RANBP9: variants seen among roughly 807,000 people sequenced by gnomAD.
RANBP9 encodes RAN binding protein 9, also known as ran-binding protein 9.
RANBP9 carries 15 observed loss-of-function variants against 84.3 expected under a neutral mutation model. The ratio of observed to expected loss-of-function variants is 0.18; its 90% CI spans 0.12 to 0.27. The LOEUF is 0.27. Ranked by LOEUF, RANBP9 falls within the 10% of genes least tolerant of loss-of-function variation. The pLI, the probability that RANBP9 is intolerant of heterozygous loss-of-function variation, is 1.00. For synonymous variants in RANBP9, 392 were observed against 349.6 expected (o/e 1.12, Z -1.35); for missense variants, 809 against 912.8 (o/e 0.89, Z 1.46).
chr6:13,664,261 G>T (rs1765597937), intron 2 of RANBP9, among the ~76,000 whole-genome samples: 1 of 152,028 alleles, frequency 6.6e-6, no homozygotes, highest in South Asian at 2.1e-4. Context: ...ATCTACAACA[G>T]CATCAGAAAA....
chr6:13,655,475 A>C (rs1765377658), intron 4 of RANBP9, among the ~76,000 whole-genome samples: 1 of 152,218 alleles, frequency 6.6e-6, no homozygotes, highest in African/African-American at 2.4e-5. Flanking sequence ...TCAAAAATTA[A>C]ATAAATAAAA....
chr6:13,679,653 T>G (rs539617845), intron 2 of RANBP9, among the ~76,000 whole-genome samples: 34 of 152,320 alleles, frequency 2.2e-4, no homozygotes, highest in African/African-American at 7.7e-4. Context: ...ATCTTGTTTT[T>G]CAACATATCC....
At chr6:13,644,758 C>T (rs2127766308) in intron 5 of RANBP9, 29 bp from the exon 6 acceptor site, 1 of 1,471,762 alleles carries the variant, frequency 6.8e-7, no homozygotes, top group East Asian at 2.4e-5. Context: ...CATTAAACAT[C>T]TATCCATTTT....
Position 13,671,836 on chromosome 6 carries a change from G to A in RANBP9, c.684-13004C>T, listed in dbSNP as rs557671264. 3.1e-4 allele frequency among the ~76,000 whole-genome samples: 47 copies of A among 151,758 alleles called. 1 individual carries two copies. In the South Asian group the frequency reaches 4.2e-3, roughly 13 times the overall value. On this transcript the variant is annotated intron_variant, in intron 2 of 13. Coordinates refer to ENST00000011619, the MANE Select transcript of RANBP9 (RefSeq NM_005493.3). ...TGACAACTTTGTTCCACTCTATTAC[G>A]TAAACAGCTTGGAAATCATCACTCC...
Position 13,625,780 on chromosome 6 carries a change from C to G in RANBP9, c.1948-16G>C. ...TGAATGCATCCTGTTGAAAACACAT[C>G]GATTTGGTTTTAATTCAAATAGTTC... is the stretch of plus-strand genomic sequence containing the variant. On this transcript the variant is annotated splice_polypyrimidine_tract_variant and intron_variant, in intron 12 of 13. Coordinates refer to ENST00000011619, the MANE Select transcript of RANBP9 (RefSeq NM_005493.3). 1 of 1,532,638 alleles carries G rather than the reference C, an allele frequency of 6.5e-7. No homozygotes were observed. The highest frequency in any genetic ancestry group is 9.0e-7 in the Non-Finnish European group (1 of 1,106,618). The allele number at this position is 1,532,638 out of a possible 1,614,324, so 94.9% of individuals were successfully genotyped here.
chr6:13,662,461 G>A lies in RANBP9; in HGVS notation c.684-3629C>T, dbSNP rs188383262. ...AAAGGGACTACTATGGTCTGAATGCGTGTGTCCCCCAAAATTCTTATGTTG... is the reference window on the plus strand; with the variant it reads ...AAAGGGACTACTATGGTCTGAATGCATGTGTCCCCCAAAATTCTTATGTTG... On this transcript the variant is annotated intron_variant, in intron 2 of 13. Coordinates refer to ENST00000011619, the MANE Select transcript of RANBP9 (RefSeq NM_005493.3). Among the ~76,000 whole-genome samples the A allele has an allele frequency of 2.1e-3, 318 of 152,248 alleles. 1 individual carries two copies. The highest frequency in any genetic ancestry group is 7.3e-3 in the African/African-American group (303 of 41,536).
At chr6:13,689,004 A>AAAAAAAAAG (rs374538732) in intron 2 of RANBP9, among the ~76,000 whole-genome samples, 21,089 of 106,740 alleles carry the variant, frequency 0.2, 3,835 homozygotes, top group Admixed American at 0.24. Context: ...AAAAAAAAAA[A>AAAAAAAAAG]TGCTGGGCAT....
At chr6:13,633,622 C>G (rs1196045582) in intron 11 of RANBP9, among the ~76,000 whole-genome samples, 2 of 152,188 alleles carry the variant, frequency 1.3e-5, no homozygotes, top group Non-Finnish European at 2.9e-5. Flanking sequence ...TAATCTGGCT[C>G]TAGAACTCCT....
At chr6:13,671,843 GCT>G (rs1312704742) in intron 2 of RANBP9, among the ~76,000 whole-genome samples, 1 of 151,762 alleles carries the variant, frequency 6.6e-6, no homozygotes, top group African/African-American at 2.4e-5. Context: ...TACGTAAACA[GCT>G]TGGAAATCAT....
At chr6:13,687,241 C>T (rs945944699) in intron 2 of RANBP9, among the ~76,000 whole-genome samples, 1 of 152,150 alleles carries the variant, frequency 6.6e-6, no homozygotes, top group African/African-American at 2.4e-5. Flanking sequence ...TCCTAAATCC[C>T]ATTTATTTTT....
rs547653163 is a variant in RANBP9 at position 13,625,910 on chromosome 6, G to A, written c.1948-146C>T. On this transcript the variant is annotated intron_variant, in intron 12 of 13. Transcript: ENST00000011619. Reference sequence around the variant, plus strand: ...ACCCATTTACTCCCAGCACTGGGACGCTCTACATTTTTGAACATTAAATTA... The same window carrying A: ...ACCCATTTACTCCCAGCACTGGGACACTCTACATTTTTGAACATTAAATTA... 146 of 546,734 alleles carry A rather than the reference G, an allele frequency of 2.7e-4. 4 individuals carry two copies. The highest frequency in any genetic ancestry group is 2.6e-3 in the South Asian group (116 of 44,112). The allele number at this position is 546,734 out of a possible 1,614,324, so 33.9% of individuals were successfully genotyped here.
intron 5 of RANBP9, among the ~76,000 whole-genome samples, chr6:13,651,743 C>G (rs1207910223): frequency 1.3e-5 from 2 of 152,082 alleles, no homozygotes; most frequent in Non-Finnish European, 2.9e-5. Flanking sequence ...CCCATAAAAA[C>G]TGAAGTCCTA....
In RANBP9 at chr6:13,710,918, G is replaced by C; in HGVS notation, c.571+17C>G. On this transcript the variant is annotated intron_variant, in intron 1 of 13. Coordinates refer to ENST00000011619, the MANE Select transcript of RANBP9 (RefSeq NM_005493.3). Reference sequence around the variant, plus strand: ...GGGTCAGTGCCCCACTCCCACCGCAGGACACACGCCCAGTACCTTTGTAGT... The same window carrying C: ...GGGTCAGTGCCCCACTCCCACCGCACGACACACGCCCAGTACCTTTGTAGT... 6.3e-7 allele frequency: 1 copy of C among 1,589,994 alleles called. No individual in the cohort carries two copies. Among genetic ancestry groups the C allele is most frequent in the Non-Finnish European group, 8.6e-7 (1 of 1,169,276 alleles).
At chr6:13,691,163 CAAAA>C (rs767728179) in intron 2 of RANBP9, among the ~76,000 whole-genome samples, 1 of 57,488 alleles carries the variant, frequency 1.7e-5, no homozygotes. Context: ...GACTCCGTCT[CAAAA>C]AAAAAAAAAA....
intron 12 of RANBP9, among the ~76,000 whole-genome samples, chr6:13,626,187 C>A (rs989776895): frequency 6.6e-6 from 1 of 152,204 alleles, no homozygotes; most frequent in South Asian, 2.1e-4. Context: ...CTGGACACAT[C>A]TCACTGGGAT....
At chr6:13,676,752 A>G (rs1415000534) in intron 2 of RANBP9, among the ~76,000 whole-genome samples, 1 of 152,152 alleles carries the variant, frequency 6.6e-6, no homozygotes, top group Non-Finnish European at 1.5e-5. Flanking sequence ...AAGAAACTAA[A>G]GAAGAAAAAT....
intron 2 of RANBP9, among the ~76,000 whole-genome samples, chr6:13,674,828 CTTACT>C (rs1354236448): frequency 2.0e-5 from 3 of 152,312 alleles, no homozygotes; most frequent in East Asian, 3.9e-4. Flanking sequence ...CCATGTTACC[CTTACT>C]TTAAAGTAGT....
intron 1 of RANBP9, among the ~76,000 whole-genome samples, chr6:13,703,491 T>C (rs964220053): frequency 6.6e-6 from 1 of 152,214 alleles, no homozygotes; most frequent in Non-Finnish European, 1.5e-5. Context: ...AGACTATCCT[T>C]GTACCAGCAG....
chr6:13,626,751 A>T (rs1207987466), intron 12 of RANBP9, among the ~76,000 whole-genome samples: 3 of 152,188 alleles, frequency 2.0e-5, no homozygotes, highest in Non-Finnish European at 4.4e-5. Context: ...GACTACTGAA[A>T]TTCCTAAAGA....
Sources: allele counts gnomAD v4.1 joint callset (sites outside exome capture counted in the v4.1 genomes callset), GRCh38; gene constraint gnomAD v4.1.1; transcripts MANE v1.5; gene names NCBI Gene and HGNC (gene_info 2026-07-23, HGNC 2026-07-21).